CLDN16: variants seen among roughly 807,000 people sequenced by gnomAD.
The protein encoded by CLDN16 is claudin 16, also known as claudin-16.
CLDN16 carries 13 observed loss-of-function variants against 24.6 expected under a neutral mutation model. That is an observed-to-expected ratio of 0.53 (90% confidence interval 0.34 to 0.84). The LOEUF (loss-of-function observed/expected upper bound fraction) is 0.84. Among genes scored for constraint, CLDN16 ranks in the 40% least tolerant of loss-of-function variants. CLDN16 has a pLI of 0.01. For synonymous variants in CLDN16, 116 were observed against 106.7 expected (o/e 1.09, Z -0.54); for missense variants, 298 against 292.7 (o/e 1.02, Z -0.13).
In CLDN16 at chr3:190,400,262, C is replaced by G. The variant is rs142690642; in HGVS notation, c.115-2075C>G. Among the ~76,000 whole-genome samples the G allele has an allele frequency of 4.2e-3, 636 of 151,942 alleles. 5 individuals carry two copies. The highest frequency in any genetic ancestry group is 0.015 in the African/African-American group (604 of 41,414). ...TTTTTTTTCTGTTTGTTTGTTTAGACGGAATCTCGCTCTGTCGCCAGGCTG... is the reference window on the plus strand; with the variant it reads ...TTTTTTTTCTGTTTGTTTGTTTAGAGGGAATCTCGCTCTGTCGCCAGGCTG... On this transcript the variant is annotated intron_variant, in intron 1 of 4. Coordinates refer to ENST00000264734, the MANE Select transcript of CLDN16 (RefSeq NM_006580.4).
At chr3:190,408,549 GT>G (rs778456697) in intron 4 of CLDN16, 44 bp downstream of exon 4, 9 of 1,552,412 alleles carry the variant, frequency 5.8e-6, no homozygotes, top group Non-Finnish European at 2.7e-6. Context: ...CTCCACTATC[GT>G]TTTTCCCAAT....
At chr3:190,312,011 G>A in the CLDN16 span, among the ~76,000 whole-genome samples, 2 of 150,594 alleles carry the variant, frequency 1.3e-5, no homozygotes, top group East Asian at 1.9e-4. Context: ...GCAGTGGTGC[G>A]ATCTCGGCTC....
At chr3:190,301,880 C>T in the CLDN16 span, among the ~76,000 whole-genome samples, 12 of 152,174 alleles carry the variant, frequency 7.9e-5, no homozygotes, top group African/African-American at 1.9e-4. Flanking sequence ...AGGAAGAATA[C>T]TCTTACTACG....
At chr3:190,308,482 G>T in the CLDN16 span, 1 of 1,592,390 alleles carries the variant, frequency 6.3e-7, no homozygotes, top group South Asian at 1.1e-5. Context: ...GTGAATTATT[G>T]GCAACTTTTC....
chr3:190,310,220 C>T, the CLDN16 span: 1 of 1,613,770 alleles, frequency 6.2e-7, no homozygotes, highest in Non-Finnish European at 8.5e-7. Flanking sequence ...GATTCTATTG[C>T]CATACCATGC....
chr3:190,335,708 CAAAAAAAAAAA>C (rs34082811), intron 1 of CLDN16, among the ~76,000 whole-genome samples: 1 of 60,136 alleles, frequency 1.7e-5, no homozygotes, highest in Non-Finnish European at 3.0e-5. Flanking sequence ...AAGACTCCAT[CAAAAAAAAAAA>C]AAAAAAAAAA....
At chr3:190,394,852 A>G (rs1380266246) in intron 1 of CLDN16, among the ~76,000 whole-genome samples, 1 of 152,166 alleles carries the variant, frequency 6.6e-6, no homozygotes, top group East Asian at 1.9e-4. Context: ...TATTTTCAGG[A>G]TATGTATTTG....
At chr3:190,316,165 A>G in the CLDN16 span, among the ~76,000 whole-genome samples, 2 of 152,208 alleles carry the variant, frequency 1.3e-5, no homozygotes, top group African/African-American at 2.4e-5. Flanking sequence ...ACAAAAAGTA[A>G]TGGAGAAAAT....
At chr3:190,401,743 T>C (rs1718967874) in intron 1 of CLDN16, among the ~76,000 whole-genome samples, 2 of 152,164 alleles carry the variant, frequency 1.3e-5, no homozygotes, top group African/African-American at 4.8e-5. Flanking sequence ...ATTTATAATA[T>C]ATCATTGGAG....
intron 1 of CLDN16, among the ~76,000 whole-genome samples, chr3:190,327,817 G>A (rs112745611): frequency 1.3e-3 from 192 of 152,316 alleles, no homozygotes; most frequent in African/African-American, 4.6e-3. Context: ...AACGGAATTA[G>A]TGAACAGATG....
the CLDN16 span, among the ~76,000 whole-genome samples, chr3:190,291,346 G>T: frequency 6.6e-6 from 1 of 152,140 alleles, no homozygotes; most frequent in Non-Finnish European, 1.5e-5. Flanking sequence ...CCACACAGCT[G>T]GGGAGACCTC....
At chr3:190,326,258 G>A (rs1404077511) in intron 1 of CLDN16, among the ~76,000 whole-genome samples, 3 of 152,142 alleles carry the variant, frequency 2.0e-5, no homozygotes, top group Non-Finnish European at 1.5e-5. Context: ...GATCAGATAC[G>A]TTCCATTTCT....
At chr3:190,393,273 T>C (rs1490811835) in intron 1 of CLDN16, among the ~76,000 whole-genome samples, 1 of 152,212 alleles carries the variant, frequency 6.6e-6, no homozygotes, top group African/African-American at 2.4e-5. Flanking sequence ...TGAACCATCC[T>C]ACTATTTTTT....
the CLDN16 span, among the ~76,000 whole-genome samples, chr3:190,290,924 C>A: frequency 6.6e-6 from 1 of 151,892 alleles, no homozygotes; most frequent in African/African-American, 2.4e-5. Context: ...TGCATGTAAG[C>A]CAATAACTGT....
At chr3:190,369,595 A>G (rs959292569) in intron 1 of CLDN16, among the ~76,000 whole-genome samples, 2 of 151,956 alleles carry the variant, frequency 1.3e-5, no homozygotes, top group African/African-American at 4.8e-5. Context: ...TAGAAATTGT[A>G]TGTATATCTT....
At chr3:190,400,898 C>T (rs1718944721) in intron 1 of CLDN16, among the ~76,000 whole-genome samples, 1 of 152,160 alleles carries the variant, frequency 6.6e-6, no homozygotes, top group Non-Finnish European at 1.5e-5. Flanking sequence ...CACCCACACA[C>T]TGCTGTGTTT....
chr3:190,338,048 C>G (rs1717349906), intron 1 of CLDN16, among the ~76,000 whole-genome samples: 1 of 152,140 alleles, frequency 6.6e-6, no homozygotes, highest in African/African-American at 2.4e-5. Context: ...AAACCAACAG[C>G]CATTACATGG....
intron 1 of CLDN16, among the ~76,000 whole-genome samples, chr3:190,335,655 T>G (rs1717287146): frequency 7.6e-6 from 1 of 131,200 alleles, no homozygotes; most frequent in South Asian, 2.3e-4. Context: ...GAGCTTGCAG[T>G]GAGCCGAGAT....
rs1348887751 is a variant in CLDN16 at position 190,411,805 on chromosome 3, A to G, written c.*1769A>G. The G allele has an allele frequency of 6.6e-6, 1 of 152,136 alleles. No individual in the cohort carries two copies. The highest frequency in any genetic ancestry group is 1.5e-5 in the Non-Finnish European group (1 of 67,984). The allele number at this position is 152,136 out of a possible 1,614,324, so 9.4% of individuals were successfully genotyped here. A position where few individuals can be genotyped will look rare whatever the true frequency, so the allele number is the denominator to read the frequency against. On this transcript the variant is annotated 3_prime_UTR_variant, in exon 5 of 5. Coordinates refer to ENST00000264734, the MANE Select transcript of CLDN16 (RefSeq NM_006580.4). The stretch of plus-strand genomic sequence containing the variant: ...TTTATTAACTGTAATTTACTTTAAA[A>G]ATATTTGCAAATCATACTCATTAGT...
Sources: allele counts gnomAD v4.1 joint callset (sites outside exome capture counted in the v4.1 genomes callset), GRCh38; gene constraint gnomAD v4.1.1; transcripts MANE v1.5; gene names NCBI Gene and HGNC (gene_info 2026-07-23, HGNC 2026-07-21).